The following GALNT10 variants were observed in gnomAD, a reference collection of about 807,000 sequenced individuals.
GALNT10 encodes polypeptide N-acetylgalactosaminyltransferase 10, also known as GalNAc transferase 10.
Under a neutral mutation model 75.0 loss-of-function variants are expected in GALNT10, and 41 were observed. The observed-to-expected ratio is 0.55, with a 90% CI of 0.43 to 0.71. The LOEUF (loss-of-function observed/expected upper bound fraction) is 0.71. Among genes scored for constraint, GALNT10 ranks in the 30% least tolerant of loss-of-function variants. The pLI is 0.00. For synonymous variants in GALNT10, 302 were observed against 313.0 expected, an observed-to-expected ratio of 0.96 and a Z score of 0.37; for missense variants, 727 against 818.5, an observed-to-expected ratio of 0.89 and a Z score of 1.36.
intron 4 of GALNT10, among the ~76,000 whole-genome samples, chr5:154,348,123 A>G (rs1755155893): frequency 1.3e-5 from 2 of 152,204 alleles, no homozygotes; most frequent in African/African-American, 4.8e-5. Flanking sequence ...CCTTAGATCA[A>G]TCGTATTATT....
intron 7 of GALNT10, among the ~76,000 whole-genome samples, chr5:154,401,669 A>T (rs3756645): frequency 2.6e-5 from 4 of 151,788 alleles, no homozygotes; most frequent in African/African-American, 4.8e-5. Flanking sequence ...AGCACTTCCA[A>T]TAATTGCAGC....
intron 1 of GALNT10, among the ~76,000 whole-genome samples, chr5:154,200,173 G>A (rs1412806737): frequency 6.6e-6 from 1 of 152,152 alleles, no homozygotes; most frequent in African/African-American, 2.4e-5. Context: ...TCTTGTTGTT[G>A]GCTCCAGAAA....
intron 1 of GALNT10, among the ~76,000 whole-genome samples, chr5:154,274,626 G>A (rs1339698608): frequency 6.6e-6 from 1 of 152,096 alleles, no homozygotes; most frequent in Non-Finnish European, 1.5e-5. Flanking sequence ...GGTGAAACCT[G>A]TAACCTCTCA....
intron 4 of GALNT10, chr5:154,330,072 C>T (rs1378808396): frequency 1.2e-5 from 2 of 171,888 alleles, no homozygotes; most frequent in East Asian, 3.0e-4. Context: ...ACAAGAGATC[C>T]AGGACTGGTA....
At chr5:154,228,206 C>T (rs1753092358) in intron 1 of GALNT10, among the ~76,000 whole-genome samples, 1 of 152,190 alleles carries the variant, frequency 6.6e-6, no homozygotes, top group Non-Finnish European at 1.5e-5. Context: ...TTATAAATTA[C>T]CCAGTCTCAA....
rs1413258360 is a variant in GALNT10, at chr5:154,418,679, A to G, written c.*1707A>G. The G allele has an allele frequency of 6.6e-6, 1 of 152,212 alleles. No individual in the cohort carries two copies. Among genetic ancestry groups the G allele is most frequent in the Admixed American group, 6.5e-5 (1 of 15,284 alleles). 9.4% of individuals were successfully genotyped at this position (152,212 alleles called of 1,614,324 possible). On this transcript the variant is annotated 3_prime_UTR_variant, in exon 12 of 12. Coordinates refer to ENST00000297107, the MANE Select transcript of GALNT10 (RefSeq NM_198321.4). ...GGGGGAGGGAGGGACAAACACTCCC[A>G]ATCATCCACCAGTCAGACTGAATGT...
chr5:154,323,500 TG>T (rs1202311782), intron 3 of GALNT10, among the ~76,000 whole-genome samples: 1 of 152,116 alleles, frequency 6.6e-6, no homozygotes, highest in Non-Finnish European at 1.5e-5. Context: ...TACCTACAGC[TG>T]GGGAAGGAGG....
intron 1 of GALNT10, among the ~76,000 whole-genome samples, chr5:154,278,728 C>G (rs1323695634): frequency 2.0e-5 from 3 of 152,174 alleles, no homozygotes; most frequent in Non-Finnish European, 4.4e-5. Flanking sequence ...CCCCTGTAAC[C>G]TCTGTTCTAC....
intron 4 of GALNT10, among the ~76,000 whole-genome samples, chr5:154,360,686 A>G (rs182838176): frequency 1.3e-5 from 2 of 152,336 alleles, no homozygotes; most frequent in Admixed American, 1.3e-4. Context: ...GAGACAGGGG[A>G]GCCAAACCAG....
At chr5:154,218,106 G>T in intron 1 of GALNT10, 1 of 985,292 alleles carries the variant, frequency 1.0e-6, no homozygotes, top group Non-Finnish European at 1.2e-6. Flanking sequence ...AGCAGAGAGG[G>T]CTCAGATGCA....
chr5:154,341,983 A>G (rs1364992334), intron 4 of GALNT10, among the ~76,000 whole-genome samples: 1 of 152,066 alleles, frequency 6.6e-6, no homozygotes, highest in Non-Finnish European at 1.5e-5. Flanking sequence ...GTCAGGACTA[A>G]CCCCAAAGCC....
intron 3 of GALNT10, among the ~76,000 whole-genome samples, chr5:154,299,358 A>T (rs1754328375): frequency 6.6e-6 from 1 of 152,206 alleles, no homozygotes; most frequent in South Asian, 2.1e-4. Flanking sequence ...ACTCAGTCAA[A>T]TCTTCTAAAA....
intron 1 of GALNT10, among the ~76,000 whole-genome samples, chr5:154,241,373 A>G (rs1001956518): frequency 3.9e-5 from 6 of 152,360 alleles, no homozygotes; most frequent in African/African-American, 1.4e-4. Context: ...CTCATTATAG[A>G]AAGTTCACGA....
intron 1 of GALNT10, among the ~76,000 whole-genome samples, chr5:154,233,184 G>T (rs1023516314): frequency 2.0e-5 from 3 of 152,180 alleles, no homozygotes; most frequent in African/African-American, 7.2e-5. Context: ...ATGGGAAAGA[G>T]AATGTCTTGA....
intron 8 of GALNT10, chr5:154,406,226 G>A (rs1371736137): frequency 6.6e-6 from 1 of 152,124 alleles, no homozygotes; most frequent in African/African-American, 2.4e-5. Flanking sequence ...TAACAATAAA[G>A]ACTGGAACAT....
chr5:154,254,759 T>A (rs565652052), intron 1 of GALNT10, among the ~76,000 whole-genome samples: 6 of 152,274 alleles, frequency 3.9e-5, no homozygotes, highest in African/African-American at 1.4e-4. Context: ...ATTAGCATAC[T>A]TTTGGCTGCA....
At position 154,250,559 on chromosome 5, in the gene GALNT10, G is replaced by A. The variant is rs554071352; in HGVS notation, c.160-44257G>A. 2.0e-4 allele frequency among the ~76,000 whole-genome samples: 31 copies of A among 152,102 alleles called. No homozygotes were observed. The East Asian group carries it at 3.3e-3, about 16-fold the overall frequency. On this transcript the variant is annotated intron_variant, in intron 1 of 11. Coordinates refer to ENST00000297107, the MANE Select transcript of GALNT10 (RefSeq NM_198321.4). Reference sequence around the variant, plus strand: ...ACTCCCCAGGTTAAAGTTTCTCATCGCCCCAAGATGGCTGGTGCAGTTCCA... The same window carrying A: ...ACTCCCCAGGTTAAAGTTTCTCATCACCCCAAGATGGCTGGTGCAGTTCCA...
At chr5:154,332,846 A>C (rs1329958352) in intron 4 of GALNT10, among the ~76,000 whole-genome samples, 1 of 152,188 alleles carries the variant, frequency 6.6e-6, no homozygotes, top group Non-Finnish European at 1.5e-5. Flanking sequence ...CTGAAGCACC[A>C]GCTGCCCTGG....
At chr5:154,236,453 C>A (rs6580061) in intron 1 of GALNT10, among the ~76,000 whole-genome samples, 97,880 of 152,100 alleles carry the variant, frequency 0.64, 31,944 homozygotes, top group East Asian at 0.84. Flanking sequence ...CATTTTTAAT[C>A]AACTTGTTTT....
Sources: gnomAD v4.1 joint callset for allele counts (sites outside exome capture counted in the v4.1 genomes callset) on GRCh38, gnomAD v4.1.1 for gene constraint, MANE v1.5 for transcripts, NCBI Gene and HGNC (gene_info 2026-07-23, HGNC 2026-07-21) for gene names.